Variants in C10orf143 observed in about 807,000 individuals in gnomAD.
The protein encoded by C10orf143 is uncharacterized protein C10orf143.
chr10:130,062,547 T>C (rs1356878122), downstream of C10orf143, among the ~76,000 whole-genome samples: 1 of 152,206 alleles, frequency 6.6e-6, no homozygotes, highest in Non-Finnish European at 1.5e-5. Flanking sequence ...CTTCAGCTTT[T>C]GGACTCTTGG....
intron 1 of C10orf143, among the ~76,000 whole-genome samples, chr10:130,094,886 G>A (rs1178757994): frequency 6.6e-6 from 1 of 152,086 alleles, no homozygotes. Context: ...GGGCAATCAG[G>A]CAAAAGAAAG....
intron 1 of C10orf143, among the ~76,000 whole-genome samples, chr10:130,088,251 G>T (rs1861324249): frequency 6.6e-6 from 1 of 152,084 alleles, no homozygotes; most frequent in Non-Finnish European, 1.5e-5. Context: ...AGGCGTGGTG[G>T]CACGTGCCTA....
chr10:130,107,612 G>A, intron 1 of C10orf143: 1 of 1,343,286 alleles, frequency 7.4e-7, no homozygotes, highest in East Asian at 2.3e-5. Flanking sequence ...CTCATCATTG[G>A]GTCGGCCTTC....
rs545181606 is a variant in C10orf143 at position 130,107,765 on chromosome 10, G to A, written c.69+2939C>T. ...CCATCAGATTACCAAGGAAAGAGGA[G>A]AATCAAGCTGTGAAAGGTTAACCGA... On this transcript the variant is annotated intron_variant, in intron 1 of 3. Transcript: ENST00000637128. 5.1e-5 allele frequency: 63 copies of A among 1,237,250 alleles called. No homozygotes were observed. In the East Asian group the frequency reaches 1.3e-3, roughly 25 times the overall value. 76.6% of individuals were successfully genotyped at this position (1,237,250 alleles called of 1,614,324 possible). A position where few individuals can be genotyped will look rare whatever the true frequency, so the allele number is the denominator to read the frequency against.
chr10:130,071,775 G>A (rs1861038111), intron 3 of C10orf143, among the ~76,000 whole-genome samples: 2 of 152,042 alleles, frequency 1.3e-5, no homozygotes, highest in South Asian at 4.1e-4. Context: ...CTACAGGCAT[G>A]CACCATGCCT....
At chr10:130,038,296 G>T (rs930006391) in intron 3 of C10orf143, among the ~76,000 whole-genome samples, 35 of 152,156 alleles carry the variant, frequency 2.3e-4, no homozygotes, top group African/African-American at 7.7e-4. Flanking sequence ...ATGAGAAGTG[G>T]GTCCTCAGTT....
chr10:130,042,528 T>G (rs1417480541), intron 3 of C10orf143, among the ~76,000 whole-genome samples: 1 of 152,258 alleles, frequency 6.6e-6, no homozygotes, highest in Non-Finnish European at 1.5e-5. Context: ...CTTTCTGTGC[T>G]GCCCAAGGCA....
chr10:130,063,491 G>A (rs762415498), downstream of C10orf143, among the ~76,000 whole-genome samples: 8 of 152,150 alleles, frequency 5.3e-5, no homozygotes, highest in Non-Finnish European at 8.8e-5. Context: ...TAATGAAGAC[G>A]TGTCCTGTAA....
At chr10:130,038,356 G>A (rs527499496) in intron 3 of C10orf143, among the ~76,000 whole-genome samples, 2 of 152,128 alleles carry the variant, frequency 1.3e-5, no homozygotes, top group African/African-American at 2.4e-5. Context: ...ATAACAGGCC[G>A]TTGTCCAGGC....
At chr10:130,101,865 C>CAAAAAAAAAAAAAAAAAA (rs1267433489) in intron 1 of C10orf143, among the ~76,000 whole-genome samples, 4 of 47,734 alleles carry the variant, frequency 8.4e-5, no homozygotes, top group African/African-American at 2.6e-4. Flanking sequence ...AAAAAAAAAC[C>CAAAAAAAAAAAAAAAAAA]AAAAAAAAAA....
intron 1 of C10orf143, among the ~76,000 whole-genome samples, chr10:130,086,817 T>C (rs1266877302): frequency 6.6e-6 from 1 of 152,258 alleles, no homozygotes; most frequent in Admixed American, 6.5e-5. Context: ...AATGAGAACC[T>C]GTACTTTCTG....
At chr10:130,042,032 C>A (rs960881769) in intron 3 of C10orf143, among the ~76,000 whole-genome samples, 2 of 152,096 alleles carry the variant, frequency 1.3e-5, no homozygotes, top group Non-Finnish European at 1.5e-5. Flanking sequence ...TTCATACATA[C>A]CCAAATATGC....
rs116826932 is a variant in C10orf143, at chr10:130,077,465, T to C, written c.297+2101A>G. On this transcript the variant is annotated intron_variant, in intron 3 of 3. Transcript: ENST00000637128. ...AATAAACTGAGAATCACATGTAAGT[T>C]TCCCATTAGGAATTCCACACAAACT... Among the ~76,000 whole-genome samples, 505 of 152,312 alleles carry C rather than the reference T, an allele frequency of 3.3e-3. 6 individuals are homozygous for C. The highest frequency in any genetic ancestry group is 0.012 in the African/African-American group (480 of 41,574).
intron 3 of C10orf143, among the ~76,000 whole-genome samples, chr10:130,052,330 C>T (rs941834325): frequency 6.6e-6 from 1 of 152,114 alleles, no homozygotes; most frequent in Non-Finnish European, 1.5e-5. Flanking sequence ...CCTGGGCCAC[C>T]CAATCATGGA....
At chr10:130,050,151 T>C (rs1002579091) in intron 3 of C10orf143, among the ~76,000 whole-genome samples, 1 of 152,258 alleles carries the variant, frequency 6.6e-6, no homozygotes, top group African/African-American at 2.4e-5. Flanking sequence ...GAGACATTCC[T>C]GGCAGGCTGC....
At chr10:130,098,690 C>A (rs911392872) in intron 1 of C10orf143, among the ~76,000 whole-genome samples, 3 of 152,218 alleles carry the variant, frequency 2.0e-5, no homozygotes, top group African/African-American at 7.2e-5. Context: ...GTGCTGGACA[C>A]AACAGACACC....
Position 130,056,189 on chromosome 10 carries a change from C to T in C10orf143, c.298-20219G>A, listed in dbSNP as rs1430516968. Reference sequence around the variant, plus strand: ...GTTTGTCCTGATTTAGGGCTGAAAACATCACCGTGTATTTAGTAAATGTGC... The same window carrying T: ...GTTTGTCCTGATTTAGGGCTGAAAATATCACCGTGTATTTAGTAAATGTGC... On this transcript the variant is annotated intron_variant and NMD_transcript_variant, in intron 3 of 5. Coordinates refer to the C10orf143 transcript ENST00000643056. The surrounding 1 kb of genome is among the most constrained non-coding windows in gnomAD (Gnocchi z 4.6). Among the ~76,000 whole-genome samples the T allele has an allele frequency of 6.6e-6, 1 of 152,182 alleles. No homozygotes were observed. Among genetic ancestry groups the T allele is most frequent in the Non-Finnish European group, 1.5e-5 (1 of 68,030 alleles).
At chr10:130,052,752 A>C (rs1860750993) in intron 3 of C10orf143, among the ~76,000 whole-genome samples, 1 of 152,264 alleles carries the variant, frequency 6.6e-6, no homozygotes, top group Non-Finnish European at 1.5e-5. Context: ...TCGGTCAACT[A>C]ATCAGCGTTA....
At chr10:130,106,025 C>G (rs1260378867) in intron 1 of C10orf143, 2 of 491,558 alleles carry the variant, frequency 4.1e-6, no homozygotes, top group Non-Finnish European at 8.0e-6. Context: ...CTGCGGCGAC[C>G]GCCAGAGCAG....
Sources: gnomAD v4.1 joint callset for allele counts (sites outside exome capture counted in the v4.1 genomes callset) on GRCh38, gnomAD v4.1.1 for gene constraint, Gnocchi (gnomAD v3.1) non-coding constraint, MANE v1.5 for transcripts, NCBI Gene and HGNC (gene_info 2026-07-23, HGNC 2026-07-21) for gene names.